Variants in SLC15A4 observed in about 807,000 individuals in gnomAD.
SLC15A4 encodes the protein hPHT1.
Under a neutral mutation model 46.1 loss-of-function variants are expected in SLC15A4, and 26 were observed. The observed-to-expected ratio is 0.56, with a 90% confidence interval of 0.41 to 0.78. SLC15A4 has a LOEUF of 0.78. Among genes scored for constraint, SLC15A4 ranks in the 30% least tolerant of loss-of-function variants. SLC15A4 has a pLI of 0.00. For synonymous variants in SLC15A4, 370 were observed against 333.4 expected, an observed-to-expected ratio of 1.11 and a Z score of -1.20; for missense variants, 751 against 755.7, an observed-to-expected ratio of 0.99 and a Z score of 0.07.
rs1238903523 is a variant in SLC15A4, at chr12:128,815,008, G to T, written c.609C>A (p.Asn203Lys). Residue 203 changes from asparagine to lysine, a missense_variant, in exon 2 of 8, where the codon AAC becomes AAA. Transcript: ENST00000266771. ...CACCTAACGACAGGATCGCTCCCAGGTTAATGCTCCAATAAAACCAATTAA... is the reference window on the plus strand; with the variant it reads ...CACCTAACGACAGGATCGCTCCCAGTTTAATGCTCCAATAAAACCAATTAA... Reference protein sequence around the residue: ...RFFNWFYWSINLGAILSLGGI... With the variant: ...RFFNWFYWSIKLGAILSLGGI... 6.2e-7 allele frequency: 1 copy of T among 1,614,042 alleles called. No individual in the cohort carries two copies.
chr12:128,811,548 G>A (rs964442914), intron 2 of SLC15A4, among the ~76,000 whole-genome samples: 1 of 152,194 alleles, frequency 6.6e-6, no homozygotes, highest in Non-Finnish European at 1.5e-5. Flanking sequence ...TTAGTCTAGT[G>A]GGGGAAAATA....
intron 1 of SLC15A4, among the ~76,000 whole-genome samples, chr12:128,818,954 T>C (rs1440432261): frequency 6.6e-6 from 1 of 152,186 alleles, no homozygotes; most frequent in East Asian, 1.9e-4. Flanking sequence ...CTGAAAAATA[T>C]GCCATTGTAT....
chr12:128,814,528 T>G, intron 2 of SLC15A4: 1 of 478,070 alleles, frequency 2.1e-6, no homozygotes, highest in Non-Finnish European at 3.7e-6. Context: ...ACACTAGCAG[T>G]GAGAGAAAGT....
At chr12:128,797,214 C>T (rs972234854) in intron 7 of SLC15A4, among the ~76,000 whole-genome samples, 13 of 152,164 alleles carry the variant, frequency 8.5e-5, no homozygotes, top group African/African-American at 3.1e-4. Context: ...GGGCACCCAC[C>T]GACAACAGCA....
Position 128,800,917 on chromosome 12 carries a change from G to A in SLC15A4, c.1351C>T (p.Leu451=), listed in dbSNP as rs150737466. The A allele has an allele frequency of 5.0e-5, 80 of 1,614,144 alleles. No homozygotes were observed. In the African/African-American group the frequency reaches 9.6e-4, roughly 19 times the overall value. ...NVVYHAADLS[L]WWQVPQYLLI... ...AAGTACTGCGGCACCTGCCACCACA[G>A]CGACAGATCGGCAGCATGGTAGACG... Residue 451 remains leucine, a synonymous_variant, in exon 6 of 8, where the codon CTG becomes TTG. Coordinates refer to ENST00000266771, the MANE Select transcript of SLC15A4 (RefSeq NM_145648.4).
At chr12:128,796,335 G>A (rs1027449702) in intron 7 of SLC15A4, among the ~76,000 whole-genome samples, 1 of 144,396 alleles carries the variant, frequency 6.9e-6, no homozygotes, top group Non-Finnish European at 1.5e-5. Flanking sequence ...TGAGGCCAGA[G>A]AATTGTCACT....
chr12:128,808,297 A>G (rs1020619655), intron 5 of SLC15A4, among the ~76,000 whole-genome samples: 3 of 152,254 alleles, frequency 2.0e-5, no homozygotes, highest in Non-Finnish European at 4.4e-5. Context: ...GATGCTGCCC[A>G]GGAGCCTGTA....
At chr12:128,809,889 G>A in intron 3 of SLC15A4, 54 bp downstream of exon 3, 4 of 1,557,284 alleles carry the variant, frequency 2.6e-6, no homozygotes, top group Non-Finnish European at 3.5e-6. Context: ...ACAAGTGCTA[G>A]GGTAAGACTT....
intron 5 of SLC15A4, among the ~76,000 whole-genome samples, chr12:128,806,677 T>C (rs1339392276): frequency 6.6e-6 from 1 of 152,140 alleles, no homozygotes; most frequent in African/African-American, 2.4e-5. Context: ...TTCCCAACAC[T>C]GGGTCACTTA....
intron 1 of SLC15A4, 125 bp from the exon 2 acceptor site, chr12:128,815,195 A>C (rs2135719847): frequency 1.1e-6 from 1 of 894,868 alleles, no homozygotes; most frequent in East Asian, 2.5e-5. Flanking sequence ...AACACAATCA[A>C]AATTGTGTTT....
intron 2 of SLC15A4, 31 bp downstream of exon 2, chr12:128,814,744 A>G (rs376907819): frequency 2.1e-5 from 34 of 1,603,372 alleles, no homozygotes; most frequent in African/African-American, 2.7e-5. Flanking sequence ...AAGTCCTTTC[A>G]AACAGCCCAA....
intron 5 of SLC15A4, among the ~76,000 whole-genome samples, chr12:128,806,165 C>CAAAAAAAAA (rs765448653): frequency 7.0e-5 from 6 of 86,256 alleles, no homozygotes; most frequent in Admixed American, 1.4e-4. Flanking sequence ...GACTCTGTCT[C>CAAAAAAAAA]AAAAAAAAAA....
At chr12:128,816,655 C>A (rs752424840) in intron 1 of SLC15A4, among the ~76,000 whole-genome samples, 1 of 152,158 alleles carries the variant, frequency 6.6e-6, no homozygotes, top group African/African-American at 2.4e-5. Context: ...CACAGACAGA[C>A]CCCCATCTCT....
In SLC15A4 at chr12:128,799,224, G is replaced by A; in HGVS notation, c.1573+35C>T. 3 of 1,609,848 alleles carry A rather than the reference G, an allele frequency of 1.9e-6. No individual in the cohort carries two copies. In the South Asian group the frequency reaches 3.3e-5, roughly 18 times the overall value. On this transcript the variant is annotated intron_variant, in intron 7 of 7. Transcript: ENST00000266771. ...GAGTGCCTGCGCCTCCCCCTCACTG[G>A]CTATTTTCAAAAGGGACAGGATGCT...
Position 128,794,042 on chromosome 12 carries a change from T to C in SLC15A4, c.*154A>G, listed in dbSNP as rs201395229. The C allele has an allele frequency of 9.2e-4, 704 of 765,616 alleles. 2 individuals are homozygous for C. Among genetic ancestry groups the C allele is most frequent in the Non-Finnish European group, 1.3e-3 (635 of 494,972 alleles). 47.4% of individuals were successfully genotyped at this position (765,616 alleles called of 1,614,324 possible). On this transcript the variant is annotated 3_prime_UTR_variant, in exon 8 of 8. Transcript: ENST00000266771. ...GCAGTAAGGCACTTACCAAGCTCCT[T>C]TGGATAGAGGGAAAGAAGAAATCAA... is the stretch of plus-strand genomic sequence containing the variant.
Position 128,794,360 on chromosome 12 carries a change from G to T in SLC15A4, c.1574-4C>A. 6.2e-7 allele frequency: 1 copy of T among 1,601,448 alleles called. No individual in the cohort carries two copies. Among genetic ancestry groups the T allele is most frequent in the South Asian group, 1.1e-5 (1 of 90,368 alleles). ...AAATAGCAGCCGTTAATATTACCTG[G>T]AGAAAACAAAAGGAAAGCGGCAGGT... On this transcript the variant is annotated splice_polypyrimidine_tract_variant and splice_region_variant and intron_variant, in intron 7 of 7. Transcript: ENST00000266771.
rs538048355 is a variant in SLC15A4, at chr12:128,794,212, G to T, written c.1718C>A (p.Thr573Asn). The change falls in exon 8 of 8, where the codon ACC (threonine) becomes AAC (asparagine). Residue 573 changes from threonine to asparagine, a missense_variant. Thr to Asn is a moderately conservative substitution (Grantham distance 65, BLOSUM62 0). Coordinates refer to ENST00000266771, the MANE Select transcript of SLC15A4 (RefSeq NM_145648.4). Reference sequence around the variant, plus strand: ...TCAGGAAGGTCAGGCCCTCCTGCTGGTGGGCACGCCATTGGCTCTTGATCG... The same window carrying T: ...TCAGGAAGGTCAGGCCCTCCTGCTGTTGGGCACGCCATTGGCTCTTGATCG... Reference protein sequence around the residue: ...HQRSRANGVPTSRRA With the variant: ...HQRSRANGVPNSRRA 3 of 1,612,306 alleles carry T rather than the reference G, an allele frequency of 1.9e-6. No homozygotes were observed. The highest frequency in any genetic ancestry group is 2.7e-5 in the African/African-American group (2 of 74,942).
intron 6 of SLC15A4, 150 bp from the exon 7 acceptor site, chr12:128,799,567 G>A (rs987009010): frequency 4.9e-5 from 37 of 760,164 alleles, no homozygotes; most frequent in African/African-American, 8.8e-5. Flanking sequence ...TTAGGAGGAC[G>A]ATGCTTACTA....
At chr12:128,803,570 C>A (rs140861486) in intron 5 of SLC15A4, among the ~76,000 whole-genome samples, 1 of 152,188 alleles carries the variant, frequency 6.6e-6, no homozygotes, top group Non-Finnish European at 1.5e-5. Context: ...TCCAACCCAA[C>A]GGCTGTTTCA....
Sources: allele counts gnomAD v4.1 joint callset (sites outside exome capture counted in the v4.1 genomes callset), GRCh38; gene constraint gnomAD v4.1.1; transcripts MANE v1.5; gene names NCBI Gene and HGNC (gene_info 2026-07-23, HGNC 2026-07-21).